The following RANBP3 variants were observed in gnomAD, a reference collection of about 807,000 sequenced individuals.
RANBP3 encodes ran-binding protein 3.
In RANBP3, 14 loss-of-function variants were observed where a neutral mutation model predicts 77.3. The observed-to-expected ratio is 0.18, with a 90% CI of 0.12 to 0.28. RANBP3 has a LOEUF of 0.28. Ranked by LOEUF, RANBP3 falls within the 10% of genes least tolerant of loss-of-function variation. The probability of loss-of-function intolerance (pLI) is 1.00; values close to 1 mark genes in which losing one functional copy is unlikely to be tolerated. For synonymous variants in RANBP3, 315 were observed against 312.4 expected (o/e 1.01, Z -0.09); for missense variants, 586 against 752.3 (o/e 0.78, Z 2.59).
intron 5 of RANBP3, 147 bp from the exon 6 acceptor site, chr19:5,933,626 G>T (rs1356217644): frequency 1.7e-6 from 1 of 590,484 alleles, no homozygotes; most frequent in Non-Finnish European, 2.9e-6. Context: ...TACAACAGAA[G>T]TCTCGTCCGA....
intron 5 of RANBP3, chr19:5,935,871 A>C (rs1441404734): frequency 6.6e-6 from 3 of 454,022 alleles, no homozygotes; most frequent in Non-Finnish European, 1.3e-5. Flanking sequence ...AAGCTGCTGA[A>C]TCATGGCCAG....
intron 1 of RANBP3, among the ~76,000 whole-genome samples, chr19:5,975,029 C>T (rs2058573932): frequency 6.6e-6 from 1 of 152,206 alleles, no homozygotes; most frequent in Non-Finnish European, 1.5e-5. Flanking sequence ...TTGACTAGAG[C>T]TTAAACAGCA....
intron 5 of RANBP3, among the ~76,000 whole-genome samples, chr19:5,940,420 G>C (rs950594515): frequency 8.5e-5 from 13 of 152,208 alleles, no homozygotes; most frequent in African/African-American, 3.1e-4. Context: ...CTGCAGCCTG[G>C]ACTGCAAGCC....
chr19:5,946,266 A>G (rs2058203750), intron 3 of RANBP3, among the ~76,000 whole-genome samples: 1 of 152,104 alleles, frequency 6.6e-6, no homozygotes, highest in African/African-American at 2.4e-5. Context: ...GACACCCGGG[A>G]CACCTGCACA....
chr19:5,942,048 C>A (rs1383557714), intron 3 of RANBP3, among the ~76,000 whole-genome samples: 2 of 152,174 alleles, frequency 1.3e-5, no homozygotes, highest in Non-Finnish European at 2.9e-5. Flanking sequence ...CCAAGGAATC[C>A]TCTCAGTGGC....
chr19:5,970,489 AG>A (rs1195839633), intron 1 of RANBP3, among the ~76,000 whole-genome samples: 3 of 152,120 alleles, frequency 2.0e-5, no homozygotes, highest in Non-Finnish European at 4.4e-5. Flanking sequence ...TCTGACATTA[AG>A]GGGACACTGG....
chr19:5,973,274 A>T (rs2058551058), intron 1 of RANBP3, among the ~76,000 whole-genome samples: 3 of 152,324 alleles, frequency 2.0e-5, no homozygotes, highest in Admixed American at 6.5e-5. Context: ...TAAGTCAACA[A>T]GGTGCAAGCT....
chr19:5,961,407 T>C (rs1372501172), intron 1 of RANBP3, among the ~76,000 whole-genome samples: 1 of 137,400 alleles, frequency 7.3e-6, no homozygotes, highest in African/African-American at 2.8e-5. Flanking sequence ...CGAGATTCCA[T>C]CTCAAAACAA....
intron 2 of RANBP3, among the ~76,000 whole-genome samples, chr19:5,956,417 G>A (rs983587852): frequency 6.6e-6 from 1 of 152,180 alleles, no homozygotes; most frequent in Admixed American, 6.5e-5. Context: ...TCATTAAGCT[G>A]TACTTGTCAG....
chr19:5,961,782 A>G (rs752838914), intron 1 of RANBP3, among the ~76,000 whole-genome samples: 14 of 151,964 alleles, frequency 9.2e-5, no homozygotes, highest in African/African-American at 1.9e-4. Flanking sequence ...AGTGTCTCCC[A>G]CAGACTAGAG....
intron 2 of RANBP3, among the ~76,000 whole-genome samples, chr19:5,956,446 T>G (rs2058335905): frequency 6.6e-6 from 1 of 152,116 alleles, no homozygotes. Context: ...GGAGAGGAGA[T>G]AGCAGAGGCA....
intron 2 of RANBP3, among the ~76,000 whole-genome samples, chr19:5,954,057 C>T (rs8107045): frequency 6.6e-6 from 1 of 152,156 alleles, no homozygotes; most frequent in African/African-American, 2.4e-5. Flanking sequence ...TGCCACTGAA[C>T]AAAAACAAAA....
intron 8 of RANBP3, among the ~76,000 whole-genome samples, chr19:5,929,171 A>C (rs897529141): frequency 6.6e-6 from 1 of 152,212 alleles, no homozygotes; most frequent in African/African-American, 2.4e-5. Context: ...AAAAGTGTAA[A>C]TGTTTCTCTA....
intron 14 of RANBP3, chr19:5,920,903 A>G: frequency 8.5e-6 from 2 of 234,034 alleles, no homozygotes; most frequent in Admixed American, 5.7e-5. Flanking sequence ...TTTCCTTTCT[A>G]TCATAAACCT....
chr19:5,968,604 G>A (rs2058495567), intron 1 of RANBP3, among the ~76,000 whole-genome samples: 1 of 152,262 alleles, frequency 6.6e-6, no homozygotes, highest in African/African-American at 2.4e-5. Context: ...ATGCGTCAGA[G>A]TCTGACCCCT....
intron 1 of RANBP3, among the ~76,000 whole-genome samples, chr19:5,968,005 A>C (rs1443860742): frequency 1.3e-5 from 2 of 152,128 alleles, no homozygotes; most frequent in African/African-American, 2.4e-5. Flanking sequence ...CGACAGAGTG[A>C]GACTCTGTCT....
chr19:5,941,041 C>A (rs960897939), intron 5 of RANBP3, among the ~76,000 whole-genome samples: 15 of 152,386 alleles, frequency 9.8e-5, no homozygotes, highest in Admixed American at 8.5e-4. Context: ...TTTAGCCTGC[C>A]CTGCTCCACA....
At position 5,941,816 on chromosome 19, in the gene RANBP3, C is replaced by T. The variant is rs768639482; in HGVS notation, c.302G>A (p.Ser101Asn). The T allele has an allele frequency of 6.2e-7, 1 of 1,612,210 alleles. No individual in the cohort carries two copies. The highest frequency in any genetic ancestry group is 8.5e-7 in the Non-Finnish European group (1 of 1,180,024). The change falls in exon 4 of 17, where the codon AGT becomes AAT. Residue 101 changes from serine (S) to asparagine (N), a missense_variant. Around this residue, in one of 5 missense-constraint regions of RANBP3, gnomAD observed 172 missense variants for 183.4 expected, o/e 0.94. Transcript: ENST00000340578. ...CTCCTTACCTTCTCCGCCTTCAGGA[C>T]TGGAGCCGCCAGCTGACCTCTGAAA... ...ELAGRSAGGS[S>N]PEGGEDSDRE...
At chr19:5,938,231 T>A (rs866201984) in intron 5 of RANBP3, among the ~76,000 whole-genome samples, 18 of 152,180 alleles carry the variant, frequency 1.2e-4, no homozygotes, top group African/African-American at 3.9e-4. Context: ...TATGGTAGGT[T>A]GGGTTACAGA....
Sources: allele counts gnomAD v4.1 joint callset (sites outside exome capture counted in the v4.1 genomes callset), GRCh38; gene constraint gnomAD v4.1.1; regional missense constraint gnomAD v4.1.1; transcripts MANE v1.5; gene names NCBI Gene and HGNC (gene_info 2026-07-23, HGNC 2026-07-21).